The following EBF3 variants were observed in gnomAD, a reference collection of about 807,000 sequenced individuals.
EBF3 encodes the protein EBF transcription factor 3, also known as transcription factor COE3.
Under a neutral mutation model 77.1 loss-of-function variants are expected in EBF3, and 18 were observed. The ratio of observed to expected loss-of-function variants is 0.23; its 90% CI spans 0.16 to 0.35. EBF3 has a LOEUF of 0.35. Among genes scored for constraint, EBF3 ranks in the 10% least tolerant of loss-of-function variants. The pLI is 1.00. For synonymous variants in EBF3, 350 were observed against 343.5 expected, an observed-to-expected ratio of 1.02 and a Z score of -0.21; for missense variants, 558 against 860.0, an observed-to-expected ratio of 0.65 and a Z score of 4.39.
intron 6 of EBF3, among the ~76,000 whole-genome samples, chr10:129,939,244 T>G (rs1857562886): frequency 6.6e-6 from 1 of 152,182 alleles, no homozygotes; most frequent in South Asian, 2.1e-4. Context: ...CTGGCAGCCC[T>G]GGCCCTCCTT....
intron 6 of EBF3, among the ~76,000 whole-genome samples, chr10:129,882,927 G>T (rs1853307716): frequency 6.6e-6 from 1 of 152,194 alleles, no homozygotes; most frequent in Non-Finnish European, 1.5e-5. Flanking sequence ...ATGCAATGAT[G>T]ATTTCTTTCC....
At chr10:129,932,655 C>T (rs1857100651) in intron 6 of EBF3, among the ~76,000 whole-genome samples, 1 of 148,926 alleles carries the variant, frequency 6.7e-6, no homozygotes. Context: ...TACTTCTTGC[C>T]ACGCAATTTT....
intron 6 of EBF3, among the ~76,000 whole-genome samples, chr10:129,925,910 C>A (rs922545531): frequency 5.9e-5 from 9 of 152,158 alleles, no homozygotes; most frequent in African/African-American, 2.2e-4. Context: ...AGGAAAGCAG[C>A]CTGTGCCTCA....
At chr10:129,945,638 C>T (rs1461976653) in intron 6 of EBF3, among the ~76,000 whole-genome samples, 1 of 152,204 alleles carries the variant, frequency 6.6e-6, no homozygotes, top group Non-Finnish European at 1.5e-5. Flanking sequence ...ATCTCTGTAA[C>T]ATGACAGTTA....
At chr10:129,948,804 T>C (rs1033714646) in intron 6 of EBF3, among the ~76,000 whole-genome samples, 1 of 152,208 alleles carries the variant, frequency 6.6e-6, no homozygotes, top group African/African-American at 2.4e-5. Context: ...GTTGCTGGTG[T>C]GGCTTCAATG....
chr10:129,835,852 A>G lies in EBF3; in HGVS notation c.*2091T>C, dbSNP rs999546441. 6.7e-6 allele frequency: 1 copy of G among 148,826 alleles called. No individual in the cohort carries two copies. Among genetic ancestry groups the G allele is most frequent in the African/African-American group, 2.6e-5 (1 of 37,970 alleles). The allele number at this position is 148,826 out of a possible 1,614,324, so 9.2% of individuals were successfully genotyped here. A position where few individuals can be genotyped will look rare whatever the true frequency, so the allele number is the denominator to read the frequency against. On this transcript the variant is annotated 3_prime_UTR_variant, in exon 17 of 17. Transcript: ENST00000440978. Reference sequence around the variant, plus strand: ...GCACTTAGTGCAAAGGAGAAAGAAAAAAAAAAAAACACCTGACACTTTTGG... The same window carrying G: ...GCACTTAGTGCAAAGGAGAAAGAAAGAAAAAAAAACACCTGACACTTTTGG...
intron 6 of EBF3, among the ~76,000 whole-genome samples, chr10:129,903,669 C>T (rs1854942257): frequency 6.6e-6 from 1 of 152,132 alleles, no homozygotes; most frequent in African/African-American, 2.4e-5. Flanking sequence ...GGAGTGGGGA[C>T]ATATTGGGCC....
At chr10:129,929,015 C>T (rs886748016) in intron 6 of EBF3, among the ~76,000 whole-genome samples, 4 of 151,972 alleles carry the variant, frequency 2.6e-5, no homozygotes, top group African/African-American at 9.7e-5. Flanking sequence ...GCAGGTGATC[C>T]CCATGAGGTT....
intron 6 of EBF3, among the ~76,000 whole-genome samples, chr10:129,921,350 C>A (rs1856292857): frequency 6.6e-6 from 1 of 152,110 alleles, no homozygotes; most frequent in African/African-American, 2.4e-5. Flanking sequence ...ACCCTCCCCG[C>A]ATTGGTCACA....
chr10:129,941,829 C>T (rs1331905261), intron 6 of EBF3, among the ~76,000 whole-genome samples: 1 of 152,062 alleles, frequency 6.6e-6, no homozygotes, highest in Non-Finnish European at 1.5e-5. Flanking sequence ...AAGAAGGGCT[C>T]TGCAGAGGCC....
Position 129,842,257 on chromosome 10 carries a change from C to A in EBF3, c.1231G>T (p.Ala411Ser). The A allele has an allele frequency of 6.2e-7, 1 of 1,610,652 alleles. No individual in the cohort carries two copies. The change falls in exon 13 of 17, where the codon GCG becomes TCG. Residue 411 changes from alanine to serine, a missense_variant. Ala to Ser is a moderately conservative substitution (Grantham distance 99). Transcript: ENST00000440978. This position sits in a 1 kb window ranked among gnomAD's most constrained non-coding sequence, Gnocchi z 4.4. ...ILKRAADIAE[A>S]LYSVPRNHNQ... ...TGATTGCGGGGAACGCTGTACAGCG[C>A]CTCGGCGATGTCCGCCGCTCGCTTC...
intron 6 of EBF3, among the ~76,000 whole-genome samples, chr10:129,931,667 G>C (rs1423470666): frequency 1.3e-5 from 2 of 152,266 alleles, no homozygotes; most frequent in African/African-American, 4.8e-5. Context: ...AGTATGCTCT[G>C]AATTTTATAA....
chr10:129,927,173 A>G (rs1856734691), intron 6 of EBF3, among the ~76,000 whole-genome samples: 1 of 152,192 alleles, frequency 6.6e-6, no homozygotes, highest in Admixed American at 6.5e-5. Context: ...GATGGGGACA[A>G]ATAAAAATGC....
chr10:129,932,821 C>G (rs1589892911), intron 6 of EBF3, among the ~76,000 whole-genome samples: 1 of 152,074 alleles, frequency 6.6e-6, no homozygotes. Context: ...CAATTAAAAC[C>G]AGCCGTCATC....
chr10:129,914,266 T>G lies in EBF3; in HGVS notation c.555-36417A>C, dbSNP rs1363433016. On this transcript the variant is annotated intron_variant, in intron 6 of 16. Coordinates refer to ENST00000440978, the MANE Select transcript of EBF3 (RefSeq NM_001375380.1). Reference sequence around the variant, plus strand: ...GCTGAGGAGGGCAATCTTGCACATTTCAGACAAAGAGCATCTGTGATTTTC... The same window carrying G: ...GCTGAGGAGGGCAATCTTGCACATTGCAGACAAAGAGCATCTGTGATTTTC... 2.0e-5 allele frequency among the ~76,000 whole-genome samples: 3 copies of G among 152,206 alleles called. No individual in the cohort carries two copies. The East Asian group carries it at 5.8e-4, about 30-fold the overall frequency.
chr10:129,872,437 T>G (rs2134102686), intron 8 of EBF3, among the ~76,000 whole-genome samples: 1 of 152,338 alleles, frequency 6.6e-6, no homozygotes, highest in East Asian at 1.9e-4. Flanking sequence ...ATAAATTGTC[T>G]TCCAGTTTTT....
intron 6 of EBF3, among the ~76,000 whole-genome samples, chr10:129,891,779 C>T (rs1854035784): frequency 6.6e-6 from 1 of 152,218 alleles, no homozygotes; most frequent in African/African-American, 2.4e-5. Context: ...TTTTGAGAAT[C>T]CTTCTGGATA....
chr10:129,859,792 G>C (rs2134032797), intron 10 of EBF3, among the ~76,000 whole-genome samples: 1 of 152,348 alleles, frequency 6.6e-6, no homozygotes, highest in East Asian at 1.9e-4. Context: ...TTAGCACTGG[G>C]CCTGATGTCC....
chr10:129,903,295 T>G (rs1854914948), intron 6 of EBF3, among the ~76,000 whole-genome samples: 1 of 152,208 alleles, frequency 6.6e-6, no homozygotes, highest in South Asian at 2.1e-4. Flanking sequence ...ATTATTTTCT[T>G]TATAAGAGAT....
Sources: gnomAD v4.1 joint callset for allele counts (sites outside exome capture counted in the v4.1 genomes callset) on GRCh38, gnomAD v4.1.1 for gene constraint, Gnocchi (gnomAD v3.1) non-coding constraint, MANE v1.5 for transcripts, NCBI Gene and HGNC (gene_info 2026-07-23, HGNC 2026-07-21) for gene names.